Variants in GNG11 observed in about 807,000 individuals in gnomAD.
GNG11 encodes guanine nucleotide-binding protein G(I)/G(S)/G(O) subunit gamma-11.
Under a neutral mutation model 7.4 loss-of-function variants are expected in GNG11, and 6 were observed. The ratio of observed to expected loss-of-function variants is 0.81; its 90% confidence interval spans 0.44 to 1.60. The LOEUF (loss-of-function observed/expected upper bound fraction) is 1.60, where lower values mean the gene tolerates loss of function less well. Ranked by LOEUF, GNG11 falls within the 40% of genes most tolerant of loss-of-function variation. GNG11 has a pLI of 0.01. For missense variants in GNG11, 65 were observed against 83.0 expected, an observed-to-expected ratio of 0.78 and a Z score of 0.84; for synonymous variants, 31 against 25.9, an observed-to-expected ratio of 1.20 and a Z score of -0.60.
rs753223828 is a variant in GNG11 at position 93,922,237 on chromosome 7, A to T, written c.96+4A>T. The stretch of plus-strand genomic sequence containing the variant: ...AGTGAAGTTGCAGAGACAACAAGTA[A>T]GTTGGCTGTTCCGGAATATTTCCTT... On this transcript the variant is annotated splice_donor_region_variant and intron_variant, in intron 1 of 1. Transcript: ENST00000248564. 1.1e-5 allele frequency: 17 copies of T among 1,533,608 alleles called. No homozygotes were observed. The highest frequency in any genetic ancestry group is 1.5e-5 in the Non-Finnish European group (17 of 1,117,806).
chr7:93,922,018 C>G lies in GNG11; in HGVS notation c.-120C>G, dbSNP rs1165735096. The G allele has an allele frequency of 5.2e-6, 3 of 576,470 alleles. No individual in the cohort carries two copies. In the East Asian group the frequency reaches 9.1e-5, roughly 18 times the overall value. 35.7% of individuals were successfully genotyped at this position (576,470 alleles called of 1,614,324 possible). On this transcript the variant is annotated 5_prime_UTR_variant, in exon 1 of 2. Transcript: ENST00000248564. ...CTGGGGACCGCAGCAGGGCTGCAGT[C>G]ACATCCTGCGCGGGTGGGCGGCGGG...
In GNG11 at chr7:93,927,834, C is replaced by T. The variant is rs1039933007; in HGVS notation, c.*1618C>T. 5 of 152,016 alleles carry T rather than the reference C, an allele frequency of 3.3e-5. No individual in the cohort carries two copies. Among genetic ancestry groups the T allele is most frequent in the African/African-American group, 9.7e-5 (4 of 41,374 alleles). 9.4% of individuals were successfully genotyped at this position (152,016 alleles called of 1,614,324 possible). On this transcript the variant is annotated 3_prime_UTR_variant, in exon 2 of 2. Coordinates refer to ENST00000248564, the MANE Select transcript of GNG11 (RefSeq NM_004126.4). ...CTGAGAGCCCAGGGATAATTTTAGC[C>T]CAAAACTACTACTCCTAGGAAGGAG...
In GNG11 at chr7:93,927,702, G is replaced by C. The variant is rs2115940218; in HGVS notation, c.*1486G>C. 1 of 152,236 alleles carries C rather than the reference G, an allele frequency of 6.6e-6. No individual in the cohort carries two copies. The highest frequency in any genetic ancestry group is 1.5e-5 in the Non-Finnish European group (1 of 68,006). 9.4% of individuals were successfully genotyped at this position (152,236 alleles called of 1,614,324 possible). A position where few individuals can be genotyped will look rare whatever the true frequency, so the allele number is the denominator to read the frequency against. On this transcript the variant is annotated 3_prime_UTR_variant, in exon 2 of 2. Transcript: ENST00000248564. ...TCCTTTCCTTTCCCTCTCTGGGAAA[G>C]AACAGAATACCCCAGGCTTTTGAAA...
rs1363651646 is a variant in GNG11, at chr7:93,928,338, ATTCTGT to A, written c.*2127_*2132del. On this transcript the variant is annotated 3_prime_UTR_variant, in exon 2 of 2. Coordinates refer to ENST00000248564, the MANE Select transcript of GNG11 (RefSeq NM_004126.4). ...CTTATAGGTGCTTCTATTAAATATA[ATTCTGT>A]TTCTTTTTCTTACCATTTATCATTA... 1.3e-5 allele frequency: 2 copies of A among 152,158 alleles called. No homozygotes were observed. The highest frequency in any genetic ancestry group is 4.8e-5 in the African/African-American group (2 of 41,440). The allele number at this position is 152,158 out of a possible 1,614,324, so 9.4% of individuals were successfully genotyped here.
At position 93,921,986 on chromosome 7, in the gene GNG11, C is replaced by T. The variant is rs1370716643; in HGVS notation, c.-152C>T. The stretch of plus-strand genomic sequence containing the variant: ...AGCGTCCCGGAGAAAGCCAAGCCCT[C>T]GGGGAGCTGGGGACCGCAGCAGGGC... On this transcript the variant is annotated 5_prime_UTR_variant, in exon 1 of 2. Coordinates refer to ENST00000248564, the MANE Select transcript of GNG11 (RefSeq NM_004126.4). 2 of 487,656 alleles carry T rather than the reference C, an allele frequency of 4.1e-6. No homozygotes were observed. Among genetic ancestry groups the T allele is most frequent in the Non-Finnish European group, 7.5e-6 (2 of 265,912 alleles). The allele number at this position is 487,656 out of a possible 1,614,324, so 30.2% of individuals were successfully genotyped here. A position where few individuals can be genotyped will look rare whatever the true frequency, so the allele number is the denominator to read the frequency against.
Position 93,926,465 on chromosome 7 carries a change from C to T in GNG11, c.*249C>T, listed in dbSNP as rs553262327. 16 of 253,228 alleles carry T rather than the reference C, an allele frequency of 6.3e-5. No individual in the cohort carries two copies. In the East Asian group the frequency reaches 1.2e-3, roughly 18 times the overall value. 15.7% of individuals were successfully genotyped at this position (253,228 alleles called of 1,614,324 possible). A position where few individuals can be genotyped will look rare whatever the true frequency, so the allele number is the denominator to read the frequency against. ...ATAAGAACATTACTTGAGCATGACA[C>T]TTCTTTCAGTATATTGCTTGATGCT... On this transcript the variant is annotated 3_prime_UTR_variant, in exon 2 of 2. Transcript: ENST00000248564.
rs538149690 is a variant in GNG11, at chr7:93,927,531, T to C, written c.*1315T>C. 5.3e-5 allele frequency: 8 copies of C among 152,336 alleles called. No homozygotes were observed. The highest frequency in any genetic ancestry group is 1.9e-4 in the African/African-American group (8 of 41,572). 9.4% of individuals were successfully genotyped at this position (152,336 alleles called of 1,614,324 possible). A position where few individuals can be genotyped will look rare whatever the true frequency, so the allele number is the denominator to read the frequency against. ...TAGTCATTAACTTGACCTGCAATTT[T>C]CAATGTGGCACCAGAAGCCAATGTT... On this transcript the variant is annotated 3_prime_UTR_variant, in exon 2 of 2. Transcript: ENST00000248564.
At position 93,922,062 on chromosome 7, in the gene GNG11, C is replaced by A. The variant is rs551794640; in HGVS notation, c.-76C>A. The stretch of plus-strand genomic sequence containing the variant: ...CGGCGGGCCAGGCCTTCAGTTGTTT[C>A]GGGACGCGCCGAGCTTCGCCGCTCT... On this transcript the variant is annotated 5_prime_UTR_variant, in exon 1 of 2. Transcript: ENST00000248564. 3.3e-6 allele frequency: 3 copies of A among 904,448 alleles called. No individual in the cohort carries two copies. Among genetic ancestry groups the A allele is most frequent in the South Asian group, 3.7e-5 (2 of 54,674 alleles). The allele number at this position is 904,448 out of a possible 1,614,324, so 56.0% of individuals were successfully genotyped here.
chr7:93,922,306 T>C (rs915760159), intron 1 of GNG11, 73 bp downstream of exon 1: 3 of 809,104 alleles, frequency 3.7e-6, no homozygotes, highest in African/African-American at 3.5e-5. Flanking sequence ...TTAGTAACAG[T>C]AAAGCAAATA....
At chr7:93,923,057 G>A (rs1438730786) in intron 1 of GNG11, among the ~76,000 whole-genome samples, 1 of 151,984 alleles carries the variant, frequency 6.6e-6, no homozygotes, top group Non-Finnish European at 1.5e-5. Flanking sequence ...AACTCAATCA[G>A]GCATCCTGTA....
In GNG11 at chr7:93,922,226, GACA is replaced by G. The variant is rs1306241112; in HGVS notation, c.94_96del (p.Gln32del). ...CTTCGCAAAGAAGTGAAGTTGCAGAGACAACAAGTAAGTTGGCTGTTCCGGAAT... is the reference window on the plus strand; with the variant it reads ...CTTCGCAAAGAAGTGAAGTTGCAGAGACAAGTAAGTTGGCTGTTCCGGAAT... On this transcript the variant is annotated inframe_deletion, in exon 1 of 2. Transcript: ENST00000248564. 3.2e-6 allele frequency: 5 copies of G among 1,572,020 alleles called. No homozygotes were observed. Among genetic ancestry groups the G allele is most frequent in the Admixed American group, 1.7e-5 (1 of 58,484 alleles).
chr7:93,925,118 C>T (rs967906990), intron 1 of GNG11, among the ~76,000 whole-genome samples: 1 of 152,100 alleles, frequency 6.6e-6, no homozygotes, highest in Non-Finnish European at 1.5e-5. Flanking sequence ...GAGCCGAGAT[C>T]CTGCCACTGC....
chr7:93,924,450 T>A (rs868004096), intron 1 of GNG11, among the ~76,000 whole-genome samples: 10 of 152,216 alleles, frequency 6.6e-5, no homozygotes, highest in Admixed American at 2.0e-4. Context: ...TTAAAATGCA[T>A]GCACTCTGAA....
In GNG11 at chr7:93,927,335, A is replaced by G. The variant is rs1286300831; in HGVS notation, c.*1119A>G. The G allele has an allele frequency of 6.6e-6, 1 of 152,152 alleles. No individual in the cohort carries two copies. The highest frequency in any genetic ancestry group is 2.4e-5 in the African/African-American group (1 of 41,424). The allele number at this position is 152,152 out of a possible 1,614,324, so 9.4% of individuals were successfully genotyped here. A position where few individuals can be genotyped will look rare whatever the true frequency, so the allele number is the denominator to read the frequency against. ...CACGTCAGAGTATAACTCCTGCTCA[A>G]GTTCATAACAAAGGTACCTGAAGCC... On this transcript the variant is annotated 3_prime_UTR_variant, in exon 2 of 2. Transcript: ENST00000248564.
chr7:93,922,068 G>C lies in GNG11; in HGVS notation c.-70G>C. The C allele has an allele frequency of 3.1e-6, 3 of 959,660 alleles. No individual in the cohort carries two copies. The highest frequency in any genetic ancestry group is 4.6e-6 in the Non-Finnish European group (3 of 646,518). 59.4% of individuals were successfully genotyped at this position (959,660 alleles called of 1,614,324 possible). ...GCCAGGCCTTCAGTTGTTTCGGGAC[G>C]CGCCGAGCTTCGCCGCTCTTCCAGC... On this transcript the variant is annotated 5_prime_UTR_variant, in exon 1 of 2. Coordinates refer to ENST00000248564, the MANE Select transcript of GNG11 (RefSeq NM_004126.4).
intron 1 of GNG11, among the ~76,000 whole-genome samples, chr7:93,923,336 T>G (rs538684914): frequency 3.2e-4 from 48 of 152,320 alleles, no homozygotes; most frequent in Non-Finnish European, 6.5e-4. Flanking sequence ...TTTTCTCAAA[T>G]TTAACCTTTC....
Position 93,927,312 on chromosome 7 carries a change from C to A in GNG11, c.*1096C>A, listed in dbSNP as rs1334310318. On this transcript the variant is annotated 3_prime_UTR_variant, in exon 2 of 2. Transcript: ENST00000248564. The stretch of plus-strand genomic sequence containing the variant: ...AGTGGTTTTATCCTGCAGGGCAACA[C>A]GTCAGAGTATAACTCCTGCTCAAGT... The A allele has an allele frequency of 6.6e-6, 1 of 152,196 alleles. No individual in the cohort carries two copies. Among genetic ancestry groups the A allele is most frequent in the Non-Finnish European group, 1.5e-5 (1 of 68,034 alleles). The allele number at this position is 152,196 out of a possible 1,614,324, so 9.4% of individuals were successfully genotyped here. A position where few individuals can be genotyped will look rare whatever the true frequency, so the allele number is the denominator to read the frequency against.
At position 93,925,662 on chromosome 7, in the gene GNG11, C is replaced by T. The variant is rs78899531; in HGVS notation, c.97-429C>T. ...GGGATTATCTACTACTGCACCTGCT[C>T]ACTAGCATGGAAAATTAAAATAAGA... On this transcript the variant is annotated intron_variant, in intron 1 of 1. Coordinates refer to ENST00000248564, the MANE Select transcript of GNG11 (RefSeq NM_004126.4). Among the ~76,000 whole-genome samples, 342 of 152,204 alleles carry T rather than the reference C, an allele frequency of 2.2e-3. 1 individual carries two copies. Among genetic ancestry groups the T allele is most frequent in the African/African-American group, 8.0e-3 (330 of 41,508 alleles).
In GNG11 at chr7:93,927,058, A is replaced by C. The variant is rs1298823797; in HGVS notation, c.*842A>C. ...TTGGTGCAGACACTTGGACCTCTGC[A>C]CTCATGCTTGCCAGCATTTTCCAGC... On this transcript the variant is annotated 3_prime_UTR_variant, in exon 2 of 2. Coordinates refer to ENST00000248564, the MANE Select transcript of GNG11 (RefSeq NM_004126.4). The C allele has an allele frequency of 5.3e-5, 8 of 152,210 alleles. No homozygotes were observed. Among genetic ancestry groups the C allele is most frequent in the Non-Finnish European group, 1.2e-4 (8 of 68,066 alleles). 9.4% of individuals were successfully genotyped at this position (152,210 alleles called of 1,614,324 possible). A position where few individuals can be genotyped will look rare whatever the true frequency, so the allele number is the denominator to read the frequency against.
Sources: gnomAD v4.1 joint callset for allele counts (sites outside exome capture counted in the v4.1 genomes callset) on GRCh38, gnomAD v4.1.1 for gene constraint, MANE v1.5 for transcripts, NCBI Gene and HGNC (gene_info 2026-07-23, HGNC 2026-07-21) for gene names.